FBLN7: variants seen among roughly 807,000 people sequenced by gnomAD.
The protein encoded by FBLN7 is fibulin 7.
FBLN7 carries 31 observed loss-of-function variants against 44.0 expected under a neutral mutation model. The observed-to-expected ratio is 0.70, with a 90% CI of 0.53 to 0.95. The LOEUF is 0.95. Ranked by LOEUF, FBLN7 falls within the 40% of genes least tolerant of loss-of-function variation. The pLI, the probability that FBLN7 is intolerant of heterozygous loss-of-function variation, is 0.00. For missense variants in FBLN7, 573 were observed against 618.5 expected (o/e 0.93, Z 0.78); for synonymous variants, 262 against 253.4 (o/e 1.03, Z -0.32).
At chr2:112,198,871 T>A in the FBLN7 span, among the ~76,000 whole-genome samples, 51 of 152,284 alleles carry the variant, frequency 3.3e-4, no homozygotes, top group Admixed American at 1.7e-3. Context: ...GCAACCTGAA[T>A]GCACTAAGAT....
rs547986483 is a variant in FBLN7, at chr2:112,142,772, G to T, written c.75+4042G>T. 2.8e-4 allele frequency among the ~76,000 whole-genome samples: 42 copies of T among 152,116 alleles called. No individual in the cohort carries two copies. The East Asian group carries it at 8.1e-3, about 29-fold the overall frequency. ...ATCATGAGCGTATGTGTGTGTTTGT[G>T]TGTGTGTGTGTCAATAGATGTATGT... On this transcript the variant is annotated intron_variant, in intron 1 of 7. Coordinates refer to ENST00000331203, the MANE Select transcript of FBLN7 (RefSeq NM_153214.3).
intron 6 of FBLN7, among the ~76,000 whole-genome samples, chr2:112,183,247 C>A (rs1039779578): frequency 2.0e-5 from 3 of 152,216 alleles, no homozygotes; most frequent in Non-Finnish European, 4.4e-5. Flanking sequence ...GGCCTAAAGG[C>A]AGAGTGGCCA....
Position 112,159,770 on chromosome 2 carries a change from A to G in FBLN7, c.170A>G (p.His57Arg), listed in dbSNP as rs910700970. 2 of 1,604,316 alleles carry G rather than the reference A, an allele frequency of 1.2e-6. No homozygotes were observed. Among genetic ancestry groups the G allele is most frequent in the African/African-American group, 2.7e-5 (2 of 74,248 alleles). The change falls in exon 2 of 8, where the codon CAC (histidine) becomes CGC (arginine). Residue 57 changes from histidine to arginine, a missense_variant. Coordinates refer to ENST00000331203, the MANE Select transcript of FBLN7 (RefSeq NM_153214.3). The stretch of plus-strand genomic sequence containing the variant: ...ACACGCTTCGCCGAGGGCATCCGCC[A>G]CATGAAGAGCCGGCTGGCCGCGCTG... Reference protein sequence around the residue: ...QETRFAEGIRHMKSRLAALQN... With the variant: ...QETRFAEGIRRMKSRLAALQN...
At chr2:112,160,952 G>A (rs1173087609) in intron 2 of FBLN7, among the ~76,000 whole-genome samples, 1 of 152,174 alleles carries the variant, frequency 6.6e-6, no homozygotes, top group African/African-American at 2.4e-5. Context: ...GCACCCTCCA[G>A]GGAGTCCCCG....
At position 112,182,827 on chromosome 2, in the gene FBLN7, G is replaced by T; in HGVS notation, c.707G>T (p.Arg236Leu). 4 of 1,610,194 alleles carry T rather than the reference G, an allele frequency of 2.5e-6. No individual in the cohort carries two copies. The highest frequency in any genetic ancestry group is 4.5e-5 in the East Asian group (2 of 44,674). Residue 236 changes from arginine to leucine, a missense_variant, in exon 6 of 8, where the codon CGC becomes CTC. By Grantham distance (102) the Arg-to-Leu change is moderately radical (BLOSUM62 -2). Transcript: ENST00000331203. ...NECELYGQEG[R>L]PRLCMHACVN... Reference sequence around the variant, plus strand: ...TGTGAGCTCTACGGGCAGGAGGGGCGCCCCCGGCTCTGCATGCACGCCTGC... The same window carrying T: ...TGTGAGCTCTACGGGCAGGAGGGGCTCCCCCGGCTCTGCATGCACGCCTGC...
At chr2:112,201,652 C>T in the FBLN7 span, among the ~76,000 whole-genome samples, 1 of 152,208 alleles carries the variant, frequency 6.6e-6, no homozygotes, top group Non-Finnish European at 1.5e-5. Context: ...TGAGGGGCCA[C>T]TCACATCATC....
chr2:112,178,730 A>G (rs2104597336), intron 4 of FBLN7, among the ~76,000 whole-genome samples: 1 of 152,364 alleles, frequency 6.6e-6, no homozygotes, highest in East Asian at 1.9e-4. Context: ...TTCATCACAT[A>G]AACAGAACTA....
chr2:112,213,306 G>A, the FBLN7 span: 1 of 151,924 alleles, frequency 6.6e-6, no homozygotes, highest in African/African-American at 2.4e-5. Flanking sequence ...CAGTGGTTAT[G>A]CTTATAAGAA....
chr2:112,138,526 C>A lies in FBLN7; in HGVS notation c.-130C>A, dbSNP rs548581268. On this transcript the variant is annotated 5_prime_UTR_variant, in exon 1 of 8. It adds an upstream start codon to the 5' untranslated region. Transcript: ENST00000331203. ...CGCTCGGGGCCTCCCGCCTCCCCCC[C>A]TGCCCCAGCCGCCCCCCGGCCGCGC... is the stretch of plus-strand genomic sequence containing the variant. 28 of 1,326,012 alleles carry A rather than the reference C, an allele frequency of 2.1e-5. No individual in the cohort carries two copies. In the East Asian group the frequency reaches 2.8e-4, roughly 13 times the overall value. 82.1% of individuals were successfully genotyped at this position (1,326,012 alleles called of 1,614,324 possible).
the FBLN7 span, chr2:112,231,837 CT>C: frequency 1.3e-6 from 2 of 1,554,120 alleles, no homozygotes; most frequent in Admixed American, 3.7e-5. Context: ...ATTATACTTA[CT>C]TTAGCCAACA....
chr2:112,172,627 CTTTTTTTTTTTT>C (rs35062438), intron 3 of FBLN7, among the ~76,000 whole-genome samples: 4 of 88,154 alleles, frequency 4.5e-5, no homozygotes, highest in African/African-American at 9.3e-5. Flanking sequence ...CTTTTTCTTT[CTTTTTTTTTTTT>C]TTTTTTTTTT....
the FBLN7 span, among the ~76,000 whole-genome samples, chr2:112,239,797 C>T: frequency 6.6e-6 from 1 of 152,104 alleles, no homozygotes; most frequent in African/African-American, 2.4e-5. Flanking sequence ...ATTGGCCAGG[C>T]TGGTCCTGAA....
chr2:112,242,552 CA>C, the FBLN7 span, among the ~76,000 whole-genome samples: 1 of 152,144 alleles, frequency 6.6e-6, no homozygotes, highest in African/African-American at 2.4e-5. Context: ...ATACTTACCA[CA>C]TCAAAACACA....
At chr2:112,204,629 G>T in the FBLN7 span, among the ~76,000 whole-genome samples, 1 of 152,126 alleles carries the variant, frequency 6.6e-6, no homozygotes, top group Non-Finnish European at 1.5e-5. Flanking sequence ...AACTATGGAA[G>T]CCAGAAGACA....
the FBLN7 span, chr2:112,212,239 G>T: frequency 7.2e-5 from 11 of 152,196 alleles, no homozygotes; most frequent in Admixed American, 7.2e-4. Context: ...CATTCATGAG[G>T]GGCTCCACCC....
At chr2:112,147,045 T>G (rs759105170) in intron 1 of FBLN7, among the ~76,000 whole-genome samples, 1 of 152,230 alleles carries the variant, frequency 6.6e-6, no homozygotes. Flanking sequence ...TCTACTTCAC[T>G]TGATATGGTC....
rs185888148 is a variant in FBLN7, at chr2:112,180,901, C to T, written c.533-838C>T. ...TCGTGCCACTGCACTCCAGCCTGGGCGACAGAGTGAGACTCTGTCTCAAAA... is the reference window on the plus strand; with the variant it reads ...TCGTGCCACTGCACTCCAGCCTGGGTGACAGAGTGAGACTCTGTCTCAAAA... On this transcript the variant is annotated intron_variant, in intron 4 of 7. Transcript: ENST00000331203. Among the ~76,000 whole-genome samples the T allele has an allele frequency of 5.0e-4, 53 of 106,198 alleles. No individual in the cohort carries two copies. In the East Asian group the frequency reaches 0.015, roughly 30 times the overall value. 69.7% of individuals were successfully genotyped at this position (106,198 alleles called of 152,430 possible). A position where few individuals can be genotyped will look rare whatever the true frequency, so the allele number is the denominator to read the frequency against.
intron 1 of FBLN7, 22 bp downstream of exon 1, chr2:112,138,752 C>G: frequency 6.3e-7 from 1 of 1,578,776 alleles, no homozygotes; most frequent in Non-Finnish European, 8.6e-7. Context: ...TCCCGCCTCT[C>G]TCCAGGCCAG....
At chr2:112,217,655 A>G in the FBLN7 span, among the ~76,000 whole-genome samples, 2 of 152,228 alleles carry the variant, frequency 1.3e-5, no homozygotes, top group African/African-American at 4.8e-5. Flanking sequence ...AATATCACCA[A>G]TGAATCTTGC....
Sources: gnomAD v4.1 joint callset for allele counts (sites outside exome capture counted in the v4.1 genomes callset) on GRCh38, gnomAD v4.1.1 for gene constraint, MANE v1.5 for transcripts, NCBI Gene and HGNC (gene_info 2026-07-23, HGNC 2026-07-21) for gene names.